DIAPH3: variants seen among roughly 807,000 people sequenced by gnomAD.
DIAPH3 encodes diaphanous related formin 3.
In DIAPH3, 117 loss-of-function variants were observed where a neutral mutation model predicts 144.3. The observed-to-expected ratio is 0.81, with a 90% confidence interval of 0.70 to 0.95. The LOEUF (loss-of-function observed/expected upper bound fraction) is 0.95, where lower values mean the gene tolerates loss of function less well. DIAPH3 is among the 40% of genes least tolerant of loss of function. DIAPH3 has a pLI of 0.00. For missense variants in DIAPH3, 1,421 were observed against 1,412.7 expected, an observed-to-expected ratio of 1.01 and a Z score of -0.09; for synonymous variants, 519 against 488.9, an observed-to-expected ratio of 1.06 and a Z score of -0.81.
chr13:59,717,304 G>A (rs921801578), intron 27 of DIAPH3, among the ~76,000 whole-genome samples: 13 of 152,076 alleles, frequency 8.5e-5, no homozygotes, highest in Non-Finnish European at 1.5e-4. Flanking sequence ...TACTTTTTCC[G>A]TACTTTAAGT....
At chr13:59,999,385 T>G (rs1454321086) in intron 9 of DIAPH3, among the ~76,000 whole-genome samples, 1 of 152,150 alleles carries the variant, frequency 6.6e-6, no homozygotes, top group East Asian at 1.9e-4. Context: ...CCATCAAACT[T>G]TCAAAGATCT....
intron 22 of DIAPH3, among the ~76,000 whole-genome samples, chr13:59,845,362 AT>A (rs1349528310): frequency 6.6e-6 from 1 of 152,102 alleles, no homozygotes; most frequent in Non-Finnish European, 1.5e-5. Context: ...TTTTAAAGTC[AT>A]AGGGAACCCT....
At chr13:59,980,702 A>T in intron 14 of DIAPH3, 93 bp downstream of exon 14, 1 of 1,137,574 alleles carries the variant, frequency 8.8e-7, no homozygotes, top group Non-Finnish European at 1.3e-6. Context: ...CAGATAAAGA[A>T]GAAAGAACGA....
intron 17 of DIAPH3, among the ~76,000 whole-genome samples, chr13:59,949,904 C>T (rs769566666): frequency 6.6e-6 from 1 of 152,112 alleles, no homozygotes; most frequent in Non-Finnish European, 1.5e-5. Context: ...GTCTAAACCT[C>T]GTGGATCACA....
chr13:59,702,904 TTCC>T (rs1469135327), intron 27 of DIAPH3, among the ~76,000 whole-genome samples: 6 of 152,272 alleles, frequency 3.9e-5, no homozygotes, highest in African/African-American at 1.4e-4. Flanking sequence ...GCTCATTCAC[TTCC>T]TCATCTCCTT....
intron 27 of DIAPH3, among the ~76,000 whole-genome samples, chr13:59,697,048 C>G (rs1259507062): frequency 6.6e-6 from 1 of 151,928 alleles, no homozygotes; most frequent in Non-Finnish European, 1.5e-5. Flanking sequence ...GGCTTTATAA[C>G]CTAATGATAG....
intron 2 of DIAPH3, among the ~76,000 whole-genome samples, chr13:60,119,465 T>G (rs1015294008): frequency 6.6e-6 from 1 of 152,084 alleles, no homozygotes; most frequent in Non-Finnish European, 1.5e-5. Flanking sequence ...TGATAAATCT[T>G]GGCCGGGCGC....
At chr13:59,996,042 AGTG>A (rs1375068769) in intron 9 of DIAPH3, among the ~76,000 whole-genome samples, 2 of 152,068 alleles carry the variant, frequency 1.3e-5, no homozygotes, top group African/African-American at 4.8e-5. Context: ...AAGTATGGAA[AGTG>A]GTCTCAACAG....
Position 59,839,304 on chromosome 13 carries a change from T to A in DIAPH3, c.2862+20A>T. 6.2e-7 allele frequency: 1 copy of A among 1,612,306 alleles called. No homozygotes were observed. The highest frequency in any genetic ancestry group is 8.5e-7 in the Non-Finnish European group (1 of 1,178,906). Reference sequence around the variant, plus strand: ...TCTAGTTGACTAGTGACTTAAGTTATTTAGCTATCAAAAGGATATGGACAT... The same window carrying A: ...TCTAGTTGACTAGTGACTTAAGTTAATTAGCTATCAAAAGGATATGGACAT... On this transcript the variant is annotated intron_variant, in intron 23 of 27. Coordinates refer to ENST00000400324, the MANE Select transcript of DIAPH3 (RefSeq NM_001042517.2).
intron 27 of DIAPH3, among the ~76,000 whole-genome samples, chr13:59,700,590 G>A (rs1008339079): frequency 6.6e-6 from 1 of 152,162 alleles, no homozygotes; most frequent in Admixed American, 6.5e-5. Context: ...TTTAGGGTGA[G>A]GTAGTTAAGA....
intron 3 of DIAPH3, among the ~76,000 whole-genome samples, chr13:60,103,920 T>C (rs1041528066): frequency 3.3e-5 from 5 of 152,192 alleles, no homozygotes; most frequent in African/African-American, 1.2e-4. Context: ...CGGTCAAGCT[T>C]TTCATTACAC....
At chr13:59,981,679 T>C (rs934196912) in intron 13 of DIAPH3, among the ~76,000 whole-genome samples, 1 of 151,388 alleles carries the variant, frequency 6.6e-6, no homozygotes, top group Non-Finnish European at 1.5e-5. Flanking sequence ...GAACAAAGTT[T>C]ATAAAAATAT....
At chr13:59,944,404 A>G (rs1297692335) in intron 17 of DIAPH3, among the ~76,000 whole-genome samples, 1 of 152,180 alleles carries the variant, frequency 6.6e-6, no homozygotes, top group Non-Finnish European at 1.5e-5. Flanking sequence ...AAATATATGC[A>G]TTTGTATACA....
intron 2 of DIAPH3, among the ~76,000 whole-genome samples, chr13:60,118,239 A>C (rs952333573): frequency 1.3e-5 from 2 of 152,194 alleles, no homozygotes; most frequent in Non-Finnish European, 2.9e-5. Context: ...GGTTCAAAAA[A>C]AACTATCTGA....
At chr13:60,015,338 T>C (rs1264500628) in intron 7 of DIAPH3, among the ~76,000 whole-genome samples, 1 of 152,158 alleles carries the variant, frequency 6.6e-6, no homozygotes, top group Non-Finnish European at 1.5e-5. Context: ...AATTCCTCCA[T>C]ATTACGTTTA....
intron 17 of DIAPH3, among the ~76,000 whole-genome samples, chr13:59,933,816 AT>A (rs2048138197): frequency 6.6e-6 from 1 of 152,144 alleles, no homozygotes; most frequent in Non-Finnish European, 1.5e-5. Context: ...TTTTAATTAC[AT>A]TTTCTCTTCA....
At chr13:60,067,373 G>T (rs1416400003) in intron 4 of DIAPH3, among the ~76,000 whole-genome samples, 2 of 151,890 alleles carry the variant, frequency 1.3e-5, no homozygotes, top group African/African-American at 4.8e-5. Context: ...CATTTATTAA[G>T]TCAAATATAT....
chr13:59,752,743 C>G (rs1311999585), intron 27 of DIAPH3, among the ~76,000 whole-genome samples: 1 of 152,000 alleles, frequency 6.6e-6, no homozygotes, highest in East Asian at 1.9e-4. Context: ...AAGGTCTAAA[C>G]AAAAAACTCT....
chr13:59,722,881 G>A (rs2035412754), intron 27 of DIAPH3, among the ~76,000 whole-genome samples: 1 of 152,136 alleles, frequency 6.6e-6, no homozygotes, highest in South Asian at 2.1e-4. Context: ...TGTTTCTTCA[G>A]TCCTCCTAAT....
Sources: allele counts gnomAD v4.1 joint callset (sites outside exome capture counted in the v4.1 genomes callset), GRCh38; gene constraint gnomAD v4.1.1; transcripts MANE v1.5; gene names NCBI Gene and HGNC (gene_info 2026-07-23, HGNC 2026-07-21).